Variants in ADAMTS12 observed in about 807,000 individuals in gnomAD.
ADAMTS12 encodes the protein A disintegrin and metalloproteinase with thrombospondin motifs 12.
In ADAMTS12, 118 loss-of-function variants were observed where a neutral mutation model predicts 167.8. The observed-to-expected ratio is 0.70, with a 90% CI of 0.61 to 0.82. ADAMTS12 has a LOEUF of 0.82. ADAMTS12 is among the 40% of genes least tolerant of loss of function. ADAMTS12 has a pLI of 0.00. For synonymous variants in ADAMTS12, 704 were observed against 716.9 expected, an observed-to-expected ratio of 0.98 and a Z score of 0.29; for missense variants, 1,916 against 1,998.8, an observed-to-expected ratio of 0.96 and a Z score of 0.79.
intron 2 of ADAMTS12, among the ~76,000 whole-genome samples, chr5:33,820,888 G>C (rs941180233): frequency 1.3e-5 from 2 of 152,142 alleles, no homozygotes; most frequent in African/African-American, 4.8e-5. Context: ...ACCAAATACG[G>C]CATGTTCTCA....
At chr5:33,602,851 T>C (rs1442285538) in intron 16 of ADAMTS12, among the ~76,000 whole-genome samples, 1 of 152,232 alleles carries the variant, frequency 6.6e-6, no homozygotes, top group Non-Finnish European at 1.5e-5. Flanking sequence ...TGTGATCTAG[T>C]TTATAATTCA....
chr5:33,603,887 T>C (rs1359556304), intron 16 of ADAMTS12, among the ~76,000 whole-genome samples: 1 of 152,198 alleles, frequency 6.6e-6, no homozygotes, highest in Non-Finnish European at 1.5e-5. Context: ...CACTCAAATG[T>C]AGTCAAACAG....
chr5:33,573,281 C>T (rs1274358238), intron 19 of ADAMTS12, among the ~76,000 whole-genome samples: 1 of 152,126 alleles, frequency 6.6e-6, no homozygotes, highest in Non-Finnish European at 1.5e-5. Context: ...AAAAAGAGCC[C>T]ACATCACCAA....
At chr5:33,889,523 T>A (rs12654089) in intron 1 of ADAMTS12, among the ~76,000 whole-genome samples, 1 of 152,096 alleles carries the variant, frequency 6.6e-6, no homozygotes, top group Non-Finnish European at 1.5e-5. Flanking sequence ...CCCTCATCCA[T>A]CCCTTCCTCC....
intron 2 of ADAMTS12, among the ~76,000 whole-genome samples, chr5:33,761,494 G>A (rs566981089): frequency 6.6e-6 from 1 of 152,206 alleles, no homozygotes; most frequent in Non-Finnish European, 1.5e-5. Context: ...ATTTCACCAA[G>A]AGTCACAGCA....
intron 2 of ADAMTS12, among the ~76,000 whole-genome samples, chr5:33,841,843 G>A (rs763766871): frequency 7.2e-5 from 11 of 152,220 alleles, no homozygotes; most frequent in Non-Finnish European, 2.9e-5. Context: ...TATTCTGGGA[G>A]AGAAGTAATT....
chr5:33,745,003 A>C (rs1744729709), intron 3 of ADAMTS12, among the ~76,000 whole-genome samples: 1 of 152,130 alleles, frequency 6.6e-6, no homozygotes, highest in Non-Finnish European at 1.5e-5. Context: ...TTTTTGGTAA[A>C]GATGATGTCT....
chr5:33,695,882 C>T (rs1394808578), intron 3 of ADAMTS12, among the ~76,000 whole-genome samples: 1 of 152,030 alleles, frequency 6.6e-6, no homozygotes, highest in Non-Finnish European at 1.5e-5. Context: ...TATATGTTAC[C>T]AAAAACTTTT....
chr5:33,794,381 C>A (rs557744279), intron 2 of ADAMTS12, among the ~76,000 whole-genome samples: 1 of 152,268 alleles, frequency 6.6e-6, no homozygotes, highest in Non-Finnish European at 1.5e-5. Context: ...AAATTCCGGT[C>A]CTCATTACTT....
intron 3 of ADAMTS12, among the ~76,000 whole-genome samples, chr5:33,750,641 TAAGA>T (rs1744940363): frequency 6.6e-6 from 1 of 152,352 alleles, no homozygotes; most frequent in Non-Finnish European, 1.5e-5. Context: ...ATGTAATATT[TAAGA>T]AACTGTCCCG....
intron 3 of ADAMTS12, among the ~76,000 whole-genome samples, chr5:33,715,110 G>A (rs1225212297): frequency 6.6e-6 from 1 of 151,956 alleles, no homozygotes; most frequent in Admixed American, 6.6e-5. Context: ...TTTAGAATGA[G>A]TGATGATCCA....
chr5:33,872,895 A>T (rs2111742018), intron 2 of ADAMTS12, among the ~76,000 whole-genome samples: 1 of 152,322 alleles, frequency 6.6e-6, no homozygotes. Context: ...AAAATCCAAC[A>T]CCCATTTATG....
intron 2 of ADAMTS12, among the ~76,000 whole-genome samples, chr5:33,870,759 A>C (rs181701052): frequency 3.3e-4 from 50 of 152,208 alleles, no homozygotes; most frequent in Non-Finnish European, 6.3e-4. Flanking sequence ...TGTTCTTGTG[A>C]TAGTGAGTGA....
intron 17 of ADAMTS12, among the ~76,000 whole-genome samples, chr5:33,589,728 C>T (rs1747542900): frequency 6.6e-6 from 1 of 152,136 alleles, no homozygotes; most frequent in Admixed American, 6.5e-5. Flanking sequence ...ACAAGTGGGG[C>T]ACTTCTATTT....
chr5:33,871,634 A>T (rs1750040223), intron 2 of ADAMTS12, among the ~76,000 whole-genome samples: 1 of 152,180 alleles, frequency 6.6e-6, no homozygotes, highest in South Asian at 2.1e-4. Context: ...ACTAGTAAAA[A>T]TTAGAGCAGA....
intron 2 of ADAMTS12, among the ~76,000 whole-genome samples, chr5:33,774,364 G>C (rs942597122): frequency 3.3e-5 from 5 of 152,122 alleles, no homozygotes; most frequent in African/African-American, 1.2e-4. Context: ...CAAATGTTTT[G>C]GGTTTGCTTA....
chr5:33,592,929 A>G (rs1183655743), intron 17 of ADAMTS12, among the ~76,000 whole-genome samples: 1 of 152,230 alleles, frequency 6.6e-6, no homozygotes, highest in Admixed American at 6.5e-5. Flanking sequence ...CAAGGAAACT[A>G]GTGAACTAAT....
At chr5:33,544,493 C>A (rs1224618795) in intron 22 of ADAMTS12, among the ~76,000 whole-genome samples, 3 of 152,116 alleles carry the variant, frequency 2.0e-5, no homozygotes, top group South Asian at 2.1e-4. Flanking sequence ...ACTTTCTTCA[C>A]AGAATTGGAA....
At chr5:33,768,414 C>T (rs543456050) in intron 2 of ADAMTS12, among the ~76,000 whole-genome samples, 5 of 152,088 alleles carry the variant, frequency 3.3e-5, no homozygotes, top group South Asian at 2.1e-4. Flanking sequence ...ATCACTATTT[C>T]GAAAGCCCTT....
Sources: allele counts gnomAD v4.1 joint callset (sites outside exome capture counted in the v4.1 genomes callset), GRCh38; gene constraint gnomAD v4.1.1; transcripts MANE v1.5; gene names NCBI Gene and HGNC (gene_info 2026-07-23, HGNC 2026-07-21).